The following CARMIL1 variants were observed in gnomAD, a reference collection of about 807,000 sequenced individuals.
CARMIL1 encodes capping protein regulator and myosin 1 linker 1.
Under a neutral mutation model 177.1 loss-of-function variants are expected in CARMIL1, and 90 were observed. The observed-to-expected ratio is 0.51, with a 90% CI of 0.43 to 0.61. The LOEUF is 0.61. Ranked by LOEUF, CARMIL1 falls within the 20% of genes least tolerant of loss-of-function variation. The pLI is 0.00. For synonymous variants in CARMIL1, 577 were observed against 606.2 expected (o/e 0.95, Z 0.71); for missense variants, 1,380 against 1,667.0 (o/e 0.83, Z 3.00).
At chr6:25,281,123 C>T (rs1581428544) in intron 1 of CARMIL1, among the ~76,000 whole-genome samples, 1 of 123,030 alleles carries the variant, frequency 8.1e-6, no homozygotes, top group Non-Finnish European at 1.7e-5. Context: ...GACGCACGCG[C>T]GTGTGCGCGC....
chr6:25,285,486 G>A (rs1219274759), intron 2 of CARMIL1, among the ~76,000 whole-genome samples: 3 of 152,122 alleles, frequency 2.0e-5, no homozygotes, highest in African/African-American at 7.2e-5. Context: ...AGATGCTGAG[G>A]GATTGGGCCC....
chr6:25,591,104 C>T (rs1224669574), intron 31 of CARMIL1, among the ~76,000 whole-genome samples: 14 of 152,168 alleles, frequency 9.2e-5, no homozygotes. Flanking sequence ...ATTACTAATG[C>T]ACCTAATTGT....
chr6:25,332,583 A>T (rs1205921699), intron 2 of CARMIL1, among the ~76,000 whole-genome samples: 1 of 152,040 alleles, frequency 6.6e-6, no homozygotes, highest in African/African-American at 2.4e-5. Flanking sequence ...AAACTGAGGG[A>T]CATGTTGAGG....
intron 29 of CARMIL1, among the ~76,000 whole-genome samples, chr6:25,570,886 A>G (rs1486994800): frequency 6.6e-6 from 1 of 152,164 alleles, no homozygotes; most frequent in Non-Finnish European, 1.5e-5. Context: ...TAACTTCCCT[A>G]TACCTTTTCT....
At position 25,279,452 on chromosome 6, in the gene CARMIL1, GC is replaced by G; in HGVS notation, c.-340del. On this transcript the variant is annotated 5_prime_UTR_variant, in exon 1 of 37. Coordinates refer to ENST00000329474, the MANE Select transcript of CARMIL1 (RefSeq NM_017640.6). The stretch of plus-strand genomic sequence containing the variant: ...CTGGGCGGGAGCTACGCCGGCCCAA[GC>G]CCCGCCGGGGACCAGCGAGCCGGGA... 2.4e-6 allele frequency: 1 copy of G among 411,662 alleles called. No individual in the cohort carries two copies. The highest frequency in any genetic ancestry group is 4.5e-6 in the Non-Finnish European group (1 of 224,588). 25.5% of individuals were successfully genotyped at this position (411,662 alleles called of 1,614,324 possible).
At chr6:25,467,337 A>G (rs1800696194) in intron 9 of CARMIL1, among the ~76,000 whole-genome samples, 1 of 152,212 alleles carries the variant, frequency 6.6e-6, no homozygotes, top group Non-Finnish European at 1.5e-5. Context: ...ACAGGTGGGA[A>G]AGAGGAGCCA....
rs951095068 is a variant in CARMIL1, at chr6:25,385,642, T to C, written c.139-34472T>C. On this transcript the variant is annotated intron_variant, in intron 2 of 36. Coordinates refer to ENST00000329474, the MANE Select transcript of CARMIL1 (RefSeq NM_017640.6). ...AAATAAATCACAGTGTTCGCTTTGATCATGACAAACTTTTGAATACATGTT... is the reference window on the plus strand; with the variant it reads ...AAATAAATCACAGTGTTCGCTTTGACCATGACAAACTTTTGAATACATGTT... Among the ~76,000 whole-genome samples the C allele has an allele frequency of 5.9e-5, 9 of 152,356 alleles. No homozygotes were observed. The East Asian group carries it at 1.7e-3, about 29-fold the overall frequency.
rs1269677195 is a variant in CARMIL1 at position 25,515,899 on chromosome 6, G to A, written c.1805+52G>A. On this transcript the variant is annotated intron_variant, in intron 21 of 36. Transcript: ENST00000329474. The surrounding 1 kb of genome is among the most constrained non-coding windows in gnomAD (Gnocchi z 5.0). Reference sequence around the variant, plus strand: ...ATGAGGAAGGCTTGGAGCAGATTCCGAACAGCAAGCATTGCAGAGCTGCTG... The same window carrying A: ...ATGAGGAAGGCTTGGAGCAGATTCCAAACAGCAAGCATTGCAGAGCTGCTG... The A allele has an allele frequency of 5.3e-6, 8 of 1,519,434 alleles. No individual in the cohort carries two copies. Among genetic ancestry groups the A allele is most frequent in the Non-Finnish European group, 7.1e-6 (8 of 1,127,760 alleles). 94.1% of individuals were successfully genotyped at this position (1,519,434 alleles called of 1,614,324 possible).
intron 35 of CARMIL1, 71 bp downstream of exon 35, chr6:25,606,344 G>A: frequency 1.4e-6 from 2 of 1,451,990 alleles, no homozygotes; most frequent in South Asian, 2.6e-5. Flanking sequence ...ATCAGACTCT[G>A]CAGGTGGTTT....
chr6:25,359,596 G>A (rs193254876), intron 2 of CARMIL1, among the ~76,000 whole-genome samples: 79 of 152,362 alleles, frequency 5.2e-4, no homozygotes, highest in Middle Eastern at 3.4e-3. Context: ...GCACTCTGAT[G>A]ATCCAGCAGC....
At chr6:25,475,268 G>A (rs995415902) in intron 11 of CARMIL1, among the ~76,000 whole-genome samples, 2 of 152,104 alleles carry the variant, frequency 1.3e-5, no homozygotes, top group African/African-American at 2.4e-5. Context: ...GCTGGGCGTG[G>A]TGGCAGGCAC....
chr6:25,551,608 A>G lies in CARMIL1; in HGVS notation c.2504+523A>G, dbSNP rs574277749. Reference sequence around the variant, plus strand: ...TTCTGTTTGAAAAAGTTTGAAAAATATGACAAGATGTAAATATTTAGAAGC... The same window carrying G: ...TTCTGTTTGAAAAAGTTTGAAAAATGTGACAAGATGTAAATATTTAGAAGC... On this transcript the variant is annotated intron_variant, in intron 27 of 36. Coordinates refer to ENST00000329474, the MANE Select transcript of CARMIL1 (RefSeq NM_017640.6). 2.2e-4 allele frequency among the ~76,000 whole-genome samples: 33 copies of G among 152,280 alleles called. No homozygotes were observed. The South Asian group carries it at 6.6e-3, about 31-fold the overall frequency.
intron 11 of CARMIL1, among the ~76,000 whole-genome samples, chr6:25,476,731 C>G (rs976303954): frequency 2.0e-5 from 3 of 151,994 alleles, no homozygotes; most frequent in Non-Finnish European, 2.9e-5. Context: ...AATGAGAGGT[C>G]TATAATTAAG....
chr6:25,592,166 C>T (rs2151286980), intron 31 of CARMIL1, among the ~76,000 whole-genome samples: 1 of 152,112 alleles, frequency 6.6e-6, no homozygotes, highest in East Asian at 1.9e-4. Flanking sequence ...AATCAGGTGA[C>T]CAGTGTGGGT....
intron 2 of CARMIL1, among the ~76,000 whole-genome samples, chr6:25,321,425 A>C (rs1264837296): frequency 6.6e-6 from 1 of 152,158 alleles, no homozygotes; most frequent in Non-Finnish European, 1.5e-5. Context: ...TTGAGGAGAC[A>C]AGGTGGCATC....
intron 29 of CARMIL1, chr6:25,563,227 T>C: frequency 1.0e-6 from 1 of 985,464 alleles, no homozygotes; most frequent in Non-Finnish European, 1.2e-6. Context: ...CAACATGCCA[T>C]GATGACATTT....
chr6:25,468,296 C>T (rs1180655906), intron 9 of CARMIL1, among the ~76,000 whole-genome samples: 1 of 151,844 alleles, frequency 6.6e-6, no homozygotes, highest in Non-Finnish European at 1.5e-5. Flanking sequence ...GGGTCTTGCT[C>T]AGCTTCTTCT....
At chr6:25,444,022 C>T (rs943730518) in intron 5 of CARMIL1, among the ~76,000 whole-genome samples, 51 of 152,110 alleles carry the variant, frequency 3.4e-4, no homozygotes, top group African/African-American at 1.2e-3. Flanking sequence ...AGGCTGCTCT[C>T]GAACTCCCGA....
At chr6:25,536,388 A>G (rs995867591) in intron 24 of CARMIL1, among the ~76,000 whole-genome samples, 2 of 152,084 alleles carry the variant, frequency 1.3e-5, no homozygotes, top group Non-Finnish European at 2.9e-5. Flanking sequence ...CTTGTCTTAG[A>G]TTTTTAGGGA....
Sources: gnomAD v4.1 joint callset for allele counts (sites outside exome capture counted in the v4.1 genomes callset) on GRCh38, gnomAD v4.1.1 for gene constraint, Gnocchi (gnomAD v3.1) non-coding constraint, MANE v1.5 for transcripts, NCBI Gene and HGNC (gene_info 2026-07-23, HGNC 2026-07-21) for gene names.